The following CTNNAL1 variants were observed in gnomAD, a reference collection of about 807,000 sequenced individuals.
CTNNAL1 encodes alpha-catulin.
A neutral mutation model predicts 93.6 loss-of-function variants in CTNNAL1; 69 were observed. That is an observed-to-expected ratio of 0.74 (90% CI 0.61 to 0.90). The LOEUF (loss-of-function observed/expected upper bound fraction) is 0.90. Among genes scored for constraint, CTNNAL1 ranks in the 40% least tolerant of loss-of-function variants. CTNNAL1 has a pLI of 0.00. For synonymous variants in CTNNAL1, 286 were observed against 305.4 expected, an observed-to-expected ratio of 0.94 and a Z score of 0.66; for missense variants, 836 against 862.0, an observed-to-expected ratio of 0.97 and a Z score of 0.38.
At chr9:108,980,430 A>C (rs532133790) in intron 6 of CTNNAL1, among the ~76,000 whole-genome samples, 6 of 152,232 alleles carry the variant, frequency 3.9e-5, no homozygotes, top group African/African-American at 1.2e-4. Context: ...TGAATGTGAT[A>C]ATAAGGATAC....
At chr9:109,008,185 G>A in intron 1 of CTNNAL1, among the ~76,000 whole-genome samples, 1 of 119,040 alleles carries the variant, frequency 8.4e-6, no homozygotes, top group East Asian at 2.6e-4. Context: ...TTGAGACAGA[G>A]TCTCACTCTG....
chr9:108,997,580 C>T (rs187251271), intron 2 of CTNNAL1, among the ~76,000 whole-genome samples: 97 of 152,288 alleles, frequency 6.4e-4, no homozygotes, highest in African/African-American at 2.3e-3. Context: ...CGTGTATGAT[C>T]TTGTCCACCC....
In CTNNAL1 at chr9:108,943,968, T is replaced by A; in HGVS notation, c.1935A>T (p.Ser645=). Residue 645 remains serine, a synonymous_variant, in exon 16 of 19, where the codon TCA becomes TCT. Coordinates refer to ENST00000325551, the MANE Select transcript of CTNNAL1 (RefSeq NM_003798.4). The stretch of plus-strand genomic sequence containing the variant: ...GTAGGTAGACATGTGTTACCTGTTT[T>A]GAAAAAGCTTGAACACTGGAAGTAA... ...LKLTSSVQAF[S]KQLKDDDKLM... 6.2e-7 allele frequency: 1 copy of A among 1,613,284 alleles called. No individual in the cohort carries two copies.
intron 1 of CTNNAL1, among the ~76,000 whole-genome samples, chr9:109,002,419 G>A (rs576648876): frequency 8.5e-5 from 13 of 152,242 alleles, no homozygotes; most frequent in Middle Eastern, 3.4e-3. Flanking sequence ...CAGAAGCGAC[G>A]GGTAAAAGCT....
intron 9 of CTNNAL1, among the ~76,000 whole-genome samples, chr9:108,972,445 G>A (rs553082992): frequency 5.3e-5 from 8 of 152,248 alleles, no homozygotes; most frequent in Admixed American, 5.2e-4. Context: ...GAGAGGATAA[G>A]GAAAAGAAGA....
In CTNNAL1 at chr9:108,990,759, C is replaced by T; in HGVS notation, c.606G>A (p.Val202=). 6.2e-7 allele frequency: 1 copy of T among 1,613,634 alleles called. No homozygotes were observed. Among genetic ancestry groups the T allele is most frequent in the Non-Finnish European group, 8.5e-7 (1 of 1,179,864 alleles). The part of the protein sequence containing the change: ...QIFSQFGNEM[V]EFAHLSGDRQ... Reference sequence around the variant, plus strand: ...TATCTCCACTCAGATGTGCAAACTCCACCATTTCATTTCCAAATTGACTGA... The same window carrying T: ...TATCTCCACTCAGATGTGCAAACTCTACCATTTCATTTCCAAATTGACTGA... Residue 202 remains valine, a synonymous_variant, in exon 4 of 19, where the codon GTG becomes GTA. Coordinates refer to ENST00000325551, the MANE Select transcript of CTNNAL1 (RefSeq NM_003798.4).
chr9:108,952,642 A>C, intron 12 of CTNNAL1, 148 bp from the exon 13 acceptor site: 1 of 1,023,684 alleles, frequency 9.8e-7, no homozygotes, highest in East Asian at 2.6e-5. Context: ...ACCAATTGCA[A>C]GTACTCTACT....
At chr9:108,944,875 T>C (rs1179450175) in intron 15 of CTNNAL1, among the ~76,000 whole-genome samples, 1 of 152,174 alleles carries the variant, frequency 6.6e-6, no homozygotes, top group Non-Finnish European at 1.5e-5. Flanking sequence ...TTGCTATCAC[T>C]GGATAAAATG....
At position 108,952,189 on chromosome 9, in the gene CTNNAL1, A is replaced by G; in HGVS notation, c.1835+20T>C. 6.3e-7 allele frequency: 1 copy of G among 1,585,440 alleles called. No homozygotes were observed. On this transcript the variant is annotated intron_variant, in intron 14 of 18. Coordinates refer to ENST00000325551, the MANE Select transcript of CTNNAL1 (RefSeq NM_003798.4). ...ATATCATTATACTGATTTAAAAAATAAAAATACAACTACATTTACCTAGTA... is the reference window on the plus strand; with the variant it reads ...ATATCATTATACTGATTTAAAAAATGAAAATACAACTACATTTACCTAGTA...
At chr9:109,007,506 T>C (rs1226206268) in intron 1 of CTNNAL1, among the ~76,000 whole-genome samples, 2 of 151,748 alleles carry the variant, frequency 1.3e-5, no homozygotes, top group Non-Finnish European at 2.9e-5. Context: ...CAGGGTGGAG[T>C]TCTGTGGCAG....
chr9:108,970,582 A>G, intron 9 of CTNNAL1, 88 bp from the exon 10 acceptor site: 1 of 1,177,302 alleles, frequency 8.5e-7, no homozygotes. Flanking sequence ...AGAAAATTTT[A>G]CAAATAAAAT....
intron 1 of CTNNAL1, among the ~76,000 whole-genome samples, chr9:109,007,607 G>A (rs976518208): frequency 2.0e-5 from 3 of 152,136 alleles, no homozygotes; most frequent in Non-Finnish European, 4.4e-5. Context: ...AAAGGAGGTG[G>A]GGAGGTACTC....
At chr9:108,964,290 T>C (rs960451469) in intron 11 of CTNNAL1, among the ~76,000 whole-genome samples, 3 of 152,130 alleles carry the variant, frequency 2.0e-5, no homozygotes, top group Admixed American at 2.0e-4. Flanking sequence ...TTAACATTTA[T>C]CCTAAATGAG....
chr9:108,986,148 G>C (rs1224855989), intron 4 of CTNNAL1, among the ~76,000 whole-genome samples: 1 of 150,326 alleles, frequency 6.7e-6, no homozygotes. Context: ...TTTAGCATTA[G>C]GTATATCTCC....
chr9:108,949,751 G>A lies in CTNNAL1; in HGVS notation c.1836-1517C>T, dbSNP rs143064141. On this transcript the variant is annotated intron_variant, in intron 14 of 18. Coordinates refer to ENST00000325551, the MANE Select transcript of CTNNAL1 (RefSeq NM_003798.4). ...CCCAGCTACTTGGGAGGCTGAGGCA[G>A]GAGAATCACCTGAACCCGGGAGATG... Among the ~76,000 whole-genome samples, 11 of 152,254 alleles carry A rather than the reference G, an allele frequency of 7.2e-5. No individual in the cohort carries two copies. The East Asian group carries it at 1.9e-3, about 27-fold the overall frequency.
At chr9:108,995,569 C>T (rs1831984523) in intron 2 of CTNNAL1, among the ~76,000 whole-genome samples, 1 of 152,162 alleles carries the variant, frequency 6.6e-6, no homozygotes, top group African/African-American at 2.4e-5. Context: ...TCACAGGTAT[C>T]ATTTTTAATT....
intron 11 of CTNNAL1, among the ~76,000 whole-genome samples, chr9:108,958,147 G>A (rs552770475): frequency 2.0e-4 from 30 of 150,106 alleles, no homozygotes; most frequent in Admixed American, 6.6e-4. Context: ...AATTTTGAAA[G>A]GGCACTATCA....
rs529163205 is a variant in CTNNAL1, at chr9:109,000,383, A to G, written c.142-1127T>C. Among the ~76,000 whole-genome samples the G allele has an allele frequency of 4.6e-5, 7 of 152,326 alleles. No homozygotes were observed. The East Asian group carries it at 1.3e-3, about 29-fold the overall frequency. ...TATTTGTTGCACACTATCATATCCC[A>G]AATAAAATTCTAGGCAAACCTGAAA... On this transcript the variant is annotated intron_variant, in intron 1 of 18. Coordinates refer to ENST00000325551, the MANE Select transcript of CTNNAL1 (RefSeq NM_003798.4).
rs924440082 is a variant in CTNNAL1 at position 108,988,195 on chromosome 9, T to C, written c.639+2531A>G. Among the ~76,000 whole-genome samples, 3 of 152,202 alleles carry C rather than the reference T, an allele frequency of 2.0e-5. No homozygotes were observed. In the East Asian group the frequency reaches 5.8e-4, roughly 29 times the overall value. ...GCTTCCCAGGTTCAAGTAATTCTTG[T>C]GCCTCAGCCTCCTGAGTAGCTGGGA... On this transcript the variant is annotated intron_variant, in intron 4 of 18. Coordinates refer to ENST00000325551, the MANE Select transcript of CTNNAL1 (RefSeq NM_003798.4).
Sources: gnomAD v4.1 joint callset for allele counts (sites outside exome capture counted in the v4.1 genomes callset) on GRCh38, gnomAD v4.1.1 for gene constraint, MANE v1.5 for transcripts, NCBI Gene and HGNC (gene_info 2026-07-23, HGNC 2026-07-21) for gene names.